Variants in CCDC171 observed in about 807,000 individuals in gnomAD.
CCDC171 encodes coiled-coil domain-containing protein 171.
In CCDC171, 177 loss-of-function variants were observed where a neutral mutation model predicts 168.2. The observed-to-expected ratio is 1.05, with a 90% CI of 0.93 to 1.19. The LOEUF (loss-of-function observed/expected upper bound fraction) is 1.19. Ranked by LOEUF, CCDC171 falls within the 50% of genes most tolerant of loss-of-function variation. CCDC171 has a pLI of 0.00. For synonymous variants in CCDC171, 687 were observed against 540.8 expected (o/e 1.27, Z -3.75); for missense variants, 1,991 against 1,539.0 (o/e 1.29, Z -4.91).
At chr9:15,832,065 G>T (rs1161311339) in intron 21 of CCDC171, among the ~76,000 whole-genome samples, 15 of 151,780 alleles carry the variant, frequency 9.9e-5, no homozygotes, top group African/African-American at 3.4e-4. Flanking sequence ...TTTTCCTTAG[G>T]GTGTCTTTAT....
intron 19 of CCDC171, among the ~76,000 whole-genome samples, chr9:15,778,340 A>AAAATAAAAAAAAAAAT (rs2057454989): frequency 9.9e-6 from 1 of 101,158 alleles, no homozygotes; most frequent in African/African-American, 3.8e-5. Flanking sequence ...AAAAAAAAAA[A>AAAATAAAAAAAAAAAT]AAAAAAAAAA....
At position 15,971,646 on chromosome 9, in the gene CCDC171, C is replaced by T; in HGVS notation, c.3791C>T (p.Ser1264Leu). ...GACCATTCAAATCTCTCCATTCCTT[C>T]AAGAGCTCCTCTTCCTGCTGACACA... The part of the protein sequence containing the change: ...SRDHSNLSIP[S>L]RAPLPADTTG... The change falls in exon 26 of 26, where the codon TCA becomes TTA. Residue 1264 changes from serine (S) to leucine (L), a missense_variant. Coordinates refer to ENST00000380701, the MANE Select transcript of CCDC171 (RefSeq NM_173550.4). The T allele has an allele frequency of 2.5e-6, 4 of 1,613,666 alleles. No individual in the cohort carries two copies. Among genetic ancestry groups the T allele is most frequent in the Non-Finnish European group, 3.4e-6 (4 of 1,179,802 alleles).
At chr9:15,968,457 A>G (rs1831014385) in intron 25 of CCDC171, among the ~76,000 whole-genome samples, 1 of 151,818 alleles carries the variant, frequency 6.6e-6, no homozygotes, top group Non-Finnish European at 1.5e-5. Context: ...CTGGATATTT[A>G]TAACAAGAAA....
the CCDC171 span, among the ~76,000 whole-genome samples, chr9:16,099,285 C>A: frequency 6.6e-6 from 1 of 152,142 alleles, no homozygotes; most frequent in Non-Finnish European, 1.5e-5. Flanking sequence ...GCACCCTGTT[C>A]CCCCTGGTTT....
At chr9:15,667,662 C>G (rs1262989880) in intron 9 of CCDC171, among the ~76,000 whole-genome samples, 2 of 151,902 alleles carry the variant, frequency 1.3e-5, no homozygotes, top group Non-Finnish European at 2.9e-5. Context: ...AAGAGAAAAG[C>G]TTCATTTATT....
Position 15,627,941 on chromosome 9 carries a change from T to C in CCDC171, c.822+4528T>C, listed in dbSNP as rs7866920. On this transcript the variant is annotated intron_variant, in intron 7 of 25. Coordinates refer to ENST00000380701, the MANE Select transcript of CCDC171 (RefSeq NM_173550.4). ...GTGTTAAAGTCTCCCATTATTATTG[T>C]GTGGGAGTCTAAGTCTCTTGGGTTA... is the stretch of plus-strand genomic sequence containing the variant. 4.1e-3 allele frequency among the ~76,000 whole-genome samples: 619 copies of C among 152,230 alleles called. 2 individuals are homozygous for C. Among genetic ancestry groups the C allele is most frequent in the African/African-American group, 0.014 (599 of 41,536 alleles).
At chr9:16,010,767 C>A (rs992189813) in intron 3 of CCDC171, among the ~76,000 whole-genome samples, 2 of 146,722 alleles carry the variant, frequency 1.4e-5, no homozygotes, top group Admixed American at 6.8e-5. Flanking sequence ...AAAACCCAAA[C>A]CTCTGGAGCA....
intron 2 of CCDC171, among the ~76,000 whole-genome samples, chr9:15,570,900 C>G (rs554538854): frequency 1.3e-5 from 2 of 152,006 alleles, no homozygotes; most frequent in African/African-American, 4.8e-5. Context: ...GGGAATAAAC[C>G]CCTAGTGTTT....
intron 21 of CCDC171, among the ~76,000 whole-genome samples, chr9:15,831,763 A>C (rs781682369): frequency 1.6e-4 from 24 of 148,994 alleles, no homozygotes; most frequent in Non-Finnish European, 3.1e-4. Flanking sequence ...GTCAACTACA[A>C]AGTAACTACT....
intron 23 of CCDC171, among the ~76,000 whole-genome samples, chr9:15,857,185 A>G (rs1190318313): frequency 6.6e-6 from 1 of 151,426 alleles, no homozygotes; most frequent in Non-Finnish European, 1.5e-5. Flanking sequence ...CATTATGTTG[A>G]TTATTATTAT....
At chr9:15,731,347 T>C (rs1487122630) in intron 16 of CCDC171, among the ~76,000 whole-genome samples, 2 of 152,128 alleles carry the variant, frequency 1.3e-5, no homozygotes, top group African/African-American at 4.8e-5. Flanking sequence ...AGTGTTCTCA[T>C]GTTCTCTCTT....
chr9:15,690,131 G>C (rs1469285646), intron 10 of CCDC171, among the ~76,000 whole-genome samples: 1 of 152,182 alleles, frequency 6.6e-6, no homozygotes, highest in Non-Finnish European at 1.5e-5. Context: ...AGAATGGGGA[G>C]TGAGAGCCAG....
intron 21 of CCDC171, among the ~76,000 whole-genome samples, chr9:15,792,189 T>C (rs1304938605): frequency 1.3e-5 from 2 of 152,208 alleles, no homozygotes; most frequent in Non-Finnish European, 2.9e-5. Context: ...CAAGCTTCAG[T>C]AGCTGATTTG....
intron 11 of CCDC171, among the ~76,000 whole-genome samples, chr9:15,704,918 C>T (rs1176430821): frequency 1.3e-5 from 2 of 152,132 alleles, no homozygotes; most frequent in Non-Finnish European, 1.5e-5. Flanking sequence ...TTTGCTCCCC[C>T]TCAGTCTGTT....
intron 25 of CCDC171, among the ~76,000 whole-genome samples, chr9:15,933,447 C>T (rs1443689706): frequency 5.9e-5 from 9 of 151,296 alleles, no homozygotes; most frequent in African/African-American, 1.9e-4. Flanking sequence ...TTTACTTTTC[C>T]AAAAAACGAA....
Position 16,052,389 on chromosome 9 carries a change from C to T in CCDC171, n.90-8257C>T, listed in dbSNP as rs1054538117. On this transcript the variant is annotated intron_variant and non_coding_transcript_variant, in intron 1 of 1. Coordinates refer to the CCDC171 transcript ENST00000478913. ...GACTGTGGCTCATCCGGGCTGTTTT[C>T]TGTCATGAACGAGTGACAGCACTCT... Among the ~76,000 whole-genome samples the T allele has an allele frequency of 6.6e-5, 10 of 152,286 alleles. No individual in the cohort carries two copies. The South Asian group carries it at 2.1e-3, about 32-fold the overall frequency.
chr9:15,671,298 A>G (rs2049092334), intron 9 of CCDC171, among the ~76,000 whole-genome samples: 2 of 146,984 alleles, frequency 1.4e-5, no homozygotes, highest in Non-Finnish European at 3.0e-5. Context: ...TTCCTCCTGG[A>G]CTCTTCTGTC....
intron 10 of CCDC171, among the ~76,000 whole-genome samples, chr9:15,691,624 G>T (rs1050105213): frequency 8.4e-5 from 12 of 143,066 alleles, no homozygotes; most frequent in African/African-American, 3.1e-4. Flanking sequence ...GGTAGACTTT[G>T]ATTGCCATTA....
At position 15,989,256 on chromosome 9, in the gene CCDC171, C is replaced by T. The variant is rs535622672; in HGVS notation, n.369-31333C>T. On this transcript the variant is annotated intron_variant and non_coding_transcript_variant, in intron 3 of 9. Transcript: ENST00000486641. ...TTCCAGAGGAACAATCAGGCAGCAACATTTACTGTCAGCAATACTCACTAT... is the reference window on the plus strand; with the variant it reads ...TTCCAGAGGAACAATCAGGCAGCAATATTTACTGTCAGCAATACTCACTAT... Among the ~76,000 whole-genome samples the T allele has an allele frequency of 3.4e-4, 52 of 152,012 alleles. No homozygotes were observed. The East Asian group carries it at 4.2e-3, about 12-fold the overall frequency.
Sources: gnomAD v4.1 joint callset for allele counts (sites outside exome capture counted in the v4.1 genomes callset) on GRCh38, gnomAD v4.1.1 for gene constraint, MANE v1.5 for transcripts, NCBI Gene and HGNC (gene_info 2026-07-23, HGNC 2026-07-21) for gene names.